The following SCN8A variants were observed in gnomAD, a reference collection of about 807,000 sequenced individuals.
SCN8A encodes the protein sodium channel protein type 8 subunit alpha.
A neutral mutation model predicts 184.1 loss-of-function variants in SCN8A; 30 were observed. The observed-to-expected ratio is 0.16, with a 90% CI of 0.12 to 0.22. The LOEUF is 0.22. Ranked by LOEUF, SCN8A falls within the 10% of genes least tolerant of loss-of-function variation. The pLI is 1.00. For missense variants in SCN8A, 1,057 were observed against 2,498.9 expected, an observed-to-expected ratio of 0.42 and a Z score of 12.30; for synonymous variants, 852 against 907.0, an observed-to-expected ratio of 0.94 and a Z score of 1.09.
At chr12:51,627,415 C>T (rs1940102907) in intron 1 of SCN8A, among the ~76,000 whole-genome samples, 1 of 152,190 alleles carries the variant, frequency 6.6e-6, no homozygotes, top group Non-Finnish European at 1.5e-5. Context: ...CGCAGTCTTG[C>T]TCTGTTGCCA....
intron 1 of SCN8A, among the ~76,000 whole-genome samples, chr12:51,624,950 G>A (rs1172496211): frequency 6.6e-6 from 1 of 151,538 alleles, no homozygotes; most frequent in Non-Finnish European, 1.5e-5. Context: ...ACCCCCTTCA[G>A]TGAGTTTATG....
At chr12:51,743,035 G>T (rs1016905834) in intron 12 of SCN8A, among the ~76,000 whole-genome samples, 2 of 152,140 alleles carry the variant, frequency 1.3e-5, no homozygotes, top group African/African-American at 2.4e-5. Context: ...TTTTCCAACT[G>T]TAGAGTTTCT....
intron 14 of SCN8A, among the ~76,000 whole-genome samples, chr12:51,758,647 A>G (rs1942715288): frequency 6.6e-6 from 1 of 152,168 alleles, no homozygotes; most frequent in Admixed American, 6.5e-5. Flanking sequence ...CATGTTGGCC[A>G]GGCTGGTCTT....
intron 26 of SCN8A, among the ~76,000 whole-genome samples, chr12:51,796,342 T>C (rs1938407087): frequency 6.6e-6 from 1 of 152,102 alleles, no homozygotes; most frequent in South Asian, 2.1e-4. Context: ...CAAAACACAC[T>C]TTGGACAATG....
chr12:51,796,629 C>CA (rs917796545), intron 26 of SCN8A, among the ~76,000 whole-genome samples: 10 of 152,150 alleles, frequency 6.6e-5, no homozygotes, highest in Admixed American at 4.6e-4. Flanking sequence ...AGAACTGACT[C>CA]ACGATCACAA....
intron 26 of SCN8A, 101 bp downstream of exon 26, chr12:51,794,742 AG>A: frequency 8.6e-7 from 1 of 1,163,876 alleles, no homozygotes; most frequent in African/African-American, 1.5e-5. Context: ...TCTGAAGTGC[AG>A]GCAAGATACC....
intron 26 of SCN8A, among the ~76,000 whole-genome samples, chr12:51,798,394 GTC>G (rs200469889): frequency 0.011 from 1,614 of 152,314 alleles, 24 homozygotes; most frequent in African/African-American, 0.034. Context: ...CAGAGTAAGT[GTC>G]TGTTCTGGTG....
At chr12:51,681,006 A>T (rs1941322130) in intron 2 of SCN8A, among the ~76,000 whole-genome samples, 1 of 152,052 alleles carries the variant, frequency 6.6e-6, no homozygotes, top group Middle Eastern at 3.4e-3. Flanking sequence ...CTCTGTCTCA[A>T]AATAATAATA....
chr12:51,628,170 G>A (rs1022422931), intron 1 of SCN8A, among the ~76,000 whole-genome samples: 1 of 152,198 alleles, frequency 6.6e-6, no homozygotes, highest in South Asian at 2.1e-4. Flanking sequence ...TTAGAGGCAG[G>A]AATGAGAATG....
chr12:51,799,941 C>T (rs1938508842), intron 26 of SCN8A, among the ~76,000 whole-genome samples: 1 of 152,232 alleles, frequency 6.6e-6, no homozygotes, highest in African/African-American at 2.4e-5. Context: ...CATCCCCTGG[C>T]ACCCAAATGT....
chr12:51,688,313 A>G (rs1941452517), intron 5 of SCN8A, among the ~76,000 whole-genome samples: 1 of 152,244 alleles, frequency 6.6e-6, no homozygotes, highest in African/African-American at 2.4e-5. Context: ...AGTCATATAT[A>G]CAGACATTTA....
chr12:51,620,879 C>T (rs112609676), intron 1 of SCN8A, among the ~76,000 whole-genome samples: 8,091 of 151,362 alleles, frequency 0.053, 301 homozygotes, highest in South Asian at 0.15. Flanking sequence ...CCCAGCTACT[C>T]GGGAGGCTGA....
At chr12:51,767,213 T>C (rs980627514) in intron 16 of SCN8A, among the ~76,000 whole-genome samples, 1 of 152,200 alleles carries the variant, frequency 6.6e-6, no homozygotes, top group East Asian at 1.9e-4. Flanking sequence ...TGTAGCATGA[T>C]CAACATTTTC....
chr12:51,778,150 T>G (rs1231109838), intron 20 of SCN8A, among the ~76,000 whole-genome samples: 1 of 152,138 alleles, frequency 6.6e-6, no homozygotes, highest in Non-Finnish European at 1.5e-5. Context: ...TTCATGAAAA[T>G]TAGGGTAGCC....
intron 16 of SCN8A, among the ~76,000 whole-genome samples, chr12:51,767,935 A>C (rs1473211141): frequency 6.6e-6 from 1 of 152,266 alleles, no homozygotes; most frequent in African/African-American, 2.4e-5. Context: ...CAGATCCCTC[A>C]GCCTGGCCTT....
chr12:51,661,594 C>CA (rs1940926183), intron 1 of SCN8A, among the ~76,000 whole-genome samples: 3 of 151,822 alleles, frequency 2.0e-5, no homozygotes, highest in Admixed American at 2.0e-4. Flanking sequence ...GAGGGCTAAG[C>CA]AAAAGGGGAA....
At chr12:51,704,190 C>T (rs1001339176) in intron 9 of SCN8A, among the ~76,000 whole-genome samples, 2 of 152,060 alleles carry the variant, frequency 1.3e-5, no homozygotes, top group Non-Finnish European at 2.9e-5. Flanking sequence ...GCCACCGTGC[C>T]TGGCCCATTT....
At chr12:51,681,519 G>T (rs1246326924) in intron 2 of SCN8A, among the ~76,000 whole-genome samples, 1 of 152,192 alleles carries the variant, frequency 6.6e-6, no homozygotes, top group African/African-American at 2.4e-5. Context: ...GAAGCCCTGG[G>T]CTGTTTGTTT....
intron 21 of SCN8A, among the ~76,000 whole-genome samples, chr12:51,783,791 A>G (rs1415689483): frequency 6.6e-6 from 1 of 152,246 alleles, no homozygotes; most frequent in East Asian, 1.9e-4. Context: ...TTTATTGAGC[A>G]ACAATAATGT....
Sources: gnomAD v4.1 joint callset for allele counts (sites outside exome capture counted in the v4.1 genomes callset) on GRCh38, gnomAD v4.1.1 for gene constraint, MANE v1.5 for transcripts, NCBI Gene and HGNC (gene_info 2026-07-23, HGNC 2026-07-21) for gene names.